SNCB: variants seen among roughly 807,000 people sequenced by gnomAD.
SNCB encodes the protein synuclein beta, also known as beta-synuclein.
SNCB carries 8 observed loss-of-function variants against 20.0 expected under a neutral mutation model. That is an observed-to-expected ratio of 0.40 (90% confidence interval 0.24 to 0.72). The LOEUF (loss-of-function observed/expected upper bound fraction) is 0.72, where lower values mean the gene tolerates loss of function less well. Ranked by LOEUF, SNCB falls within the 30% of genes least tolerant of loss-of-function variation. The pLI is 0.37. For missense variants in SNCB, 125 were observed against 168.0 expected (o/e 0.74, Z 1.41); for synonymous variants, 56 against 65.4 (o/e 0.86, Z 0.69).
At position 176,629,424 on chromosome 5, in the gene SNCB, C is replaced by T; in HGVS notation, c.121+110G>A. The T allele has an allele frequency of 8.2e-7, 1 of 1,218,544 alleles. No individual in the cohort carries two copies. The highest frequency in any genetic ancestry group is 1.5e-5 in the African/African-American group (1 of 67,136). 75.5% of individuals were successfully genotyped at this position (1,218,544 alleles called of 1,614,324 possible). ...ACCCCTGCTGACCTCGCCCCATCTG[C>T]TGACTCATATTCTCCTGCCCAGAAC... is the stretch of plus-strand genomic sequence containing the variant. On this transcript the variant is annotated intron_variant, in intron 2 of 5. Transcript: ENST00000393693. The surrounding 1 kb of genome is among the most constrained non-coding windows in gnomAD (Gnocchi z 4.1).
chr5:176,621,202 C>A lies in SNCB; in HGVS notation c.372+12G>T. On this transcript the variant is annotated intron_variant, in intron 5 of 5. Coordinates refer to ENST00000393693, the MANE Select transcript of SNCB (RefSeq NM_003085.5). The surrounding 1 kb of genome is among the most constrained non-coding windows in gnomAD (Gnocchi z 4.1). ...ATTCCCAAAGTCCCGCCCAGCCCTG[C>A]TGCCCCCTCACCTGGGGTGGGTCCT... The A allele has an allele frequency of 6.2e-7, 1 of 1,603,066 alleles. No individual in the cohort carries two copies. Among genetic ancestry groups the A allele is most frequent in the East Asian group, 2.2e-5 (1 of 44,790 alleles).
rs1363583363 is a variant in SNCB, at chr5:176,620,700, G to A, written c.*111C>T. 20 of 824,854 alleles carry A rather than the reference G, an allele frequency of 2.4e-5. No individual in the cohort carries two copies. The Admixed American group carries it at 3.4e-4, about 14-fold the overall frequency. 51.1% of individuals were successfully genotyped at this position (824,854 alleles called of 1,614,324 possible). ...GCTCCGAGGGGGTTGCCTCAGAGCGGAAGGAAGATCTCGTGATTGGGGAGA... is the reference window on the plus strand; with the variant it reads ...GCTCCGAGGGGGTTGCCTCAGAGCGAAAGGAAGATCTCGTGATTGGGGAGA... On this transcript the variant is annotated 3_prime_UTR_variant, in exon 6 of 6. Transcript: ENST00000393693. The surrounding 1 kb of genome is among the most constrained non-coding windows in gnomAD (Gnocchi z 4.5).
chr5:176,623,756 G>A (rs1759759695), intron 4 of SNCB, among the ~76,000 whole-genome samples: 1 of 152,058 alleles, frequency 6.6e-6, no homozygotes, highest in African/African-American at 2.4e-5. Context: ...TGTAATCCCA[G>A]ATACTTGGAG....
chr5:176,624,800 C>A (rs192943193), intron 4 of SNCB, among the ~76,000 whole-genome samples: 1,554 of 106,922 alleles, frequency 0.015, 46 homozygotes, highest in African/African-American at 0.051. Flanking sequence ...AAAACTCCGT[C>A]TCAAAAAAAA....
intron 2 of SNCB, among the ~76,000 whole-genome samples, chr5:176,627,664 G>T (rs1440816836): frequency 1.3e-5 from 2 of 152,184 alleles, no homozygotes; most frequent in Admixed American, 6.5e-5. Context: ...CCGGCGGGGG[G>T]GTGGGGGAAG....
chr5:176,627,496 A>G (rs1760040460), intron 2 of SNCB, among the ~76,000 whole-genome samples: 1 of 152,204 alleles, frequency 6.6e-6, no homozygotes, highest in South Asian at 2.1e-4. Context: ...TAGCAACTTG[A>G]TAACTTCAAA....
In SNCB at chr5:176,621,102, T is replaced by G; in HGVS notation, c.372+112A>C. 1.1e-6 allele frequency: 1 copy of G among 906,464 alleles called. No individual in the cohort carries two copies. Among genetic ancestry groups the G allele is most frequent in the Non-Finnish European group, 1.8e-6 (1 of 561,538 alleles). The allele number at this position is 906,464 out of a possible 1,614,324, so 56.2% of individuals were successfully genotyped here. A position where few individuals can be genotyped will look rare whatever the true frequency, so the allele number is the denominator to read the frequency against. Reference sequence around the variant, plus strand: ...TGGGGCCTGGGTTCTAGAAGAGGGATGTCAAGCTCCCTGGCCCAACCATCT... The same window carrying G: ...TGGGGCCTGGGTTCTAGAAGAGGGAGGTCAAGCTCCCTGGCCCAACCATCT... On this transcript the variant is annotated intron_variant, in intron 5 of 5. Coordinates refer to ENST00000393693, the MANE Select transcript of SNCB (RefSeq NM_003085.5). This position sits in a 1 kb window ranked among gnomAD's most constrained non-coding sequence, Gnocchi z 4.1.
At position 176,629,574 on chromosome 5, in the gene SNCB, G is replaced by A. The variant is rs750775023; in HGVS notation, c.81C>T (p.Thr27=). The part of the protein sequence containing the change: ...AAAEKTKQGV[T]EAAEKTKEGV... ...CCTCCTTGGTCTTCTCCGCCGCCTC[G>A]GTGACCCCCTGCTTGGTTTTCTCCG... The change falls in exon 2 of 6, where the codon ACC becomes ACT. Residue 27 remains threonine (T), a synonymous_variant. Coordinates refer to ENST00000393693, the MANE Select transcript of SNCB (RefSeq NM_003085.5). This position sits in a 1 kb window ranked among gnomAD's most constrained non-coding sequence, Gnocchi z 4.1. The A allele has an allele frequency of 3.7e-6, 6 of 1,613,226 alleles. No individual in the cohort carries two copies. The South Asian group carries it at 5.5e-5, about 15-fold the overall frequency.
At chr5:176,623,682 T>G (rs1194692534) in intron 4 of SNCB, among the ~76,000 whole-genome samples, 2 of 152,146 alleles carry the variant, frequency 1.3e-5, no homozygotes, top group African/African-American at 2.4e-5. Context: ...TTCATGGAGC[T>G]GCCAGTTTTC....
In SNCB at chr5:176,620,759, GGGGCA is replaced by G; in HGVS notation, c.*47_*51del. 1 of 1,318,726 alleles carries G rather than the reference GGGGCA, an allele frequency of 7.6e-7. No homozygotes were observed. Among genetic ancestry groups the G allele is most frequent in the Non-Finnish European group, 1.1e-6 (1 of 908,560 alleles). The allele number at this position is 1,318,726 out of a possible 1,614,324, so 81.7% of individuals were successfully genotyped here. The stretch of plus-strand genomic sequence containing the variant: ...AAGGACAGCCCTGGCTCTGGGGGGC[GGGGCA>G]GGGACAGGGACAGAATTGTGCTGCT... On this transcript the variant is annotated 3_prime_UTR_variant, in exon 6 of 6. Coordinates refer to ENST00000393693, the MANE Select transcript of SNCB (RefSeq NM_003085.5). The surrounding 1 kb of genome is among the most constrained non-coding windows in gnomAD (Gnocchi z 4.5).
rs1451241326 is a variant in SNCB, at chr5:176,621,236, T to C, written c.350A>G (p.Glu117Gly). 6.2e-7 allele frequency: 1 copy of C among 1,613,370 alleles called. No individual in the cohort carries two copies. Among genetic ancestry groups the C allele is most frequent in the Admixed American group, 1.7e-5 (1 of 59,948 alleles). Residue 117 changes from glutamate (E) to glycine (G), a missense_variant, in exon 5 of 6, where the codon GAG (glutamate) becomes GGG (glycine). Coordinates refer to ENST00000393693, the MANE Select transcript of SNCB (RefSeq NM_003085.5). This position sits in a 1 kb window ranked among gnomAD's most constrained non-coding sequence, Gnocchi z 4.1. ...LIEPLMEPEGESYEDPPQEEY... is the reference protein window; with the variant it reads ...LIEPLMEPEGGSYEDPPQEEY... ...CACCTGGGGTGGGTCCTCATAACTCTCCCCTTCTGGCTCCATCAGGGGCTC... is the reference window on the plus strand; with the variant it reads ...CACCTGGGGTGGGTCCTCATAACTCCCCCCTTCTGGCTCCATCAGGGGCTC...
chr5:176,623,137 C>G (rs1243252446), intron 4 of SNCB, among the ~76,000 whole-genome samples: 1 of 152,080 alleles, frequency 6.6e-6, no homozygotes, highest in African/African-American at 2.4e-5. Flanking sequence ...TTACCACTCC[C>G]AGCATTTTGG....
chr5:176,623,160 GGCAGATCAC>G (rs1759712890), intron 4 of SNCB, among the ~76,000 whole-genome samples: 16 of 152,052 alleles, frequency 1.1e-4, no homozygotes, highest in Admixed American at 1.3e-4. Flanking sequence ...GGTCAAGGTG[GGCAGATCAC>G]TTGAGGTCAG....
Position 176,621,468 on chromosome 5 carries a change from T to G in SNCB, c.283-165A>C, listed in dbSNP as rs1157016829. Among the ~76,000 whole-genome samples the G allele has an allele frequency of 6.6e-6, 1 of 152,160 alleles. No individual in the cohort carries two copies. The highest frequency in any genetic ancestry group is 1.5e-5 in the Non-Finnish European group (1 of 68,024). ...TATTTGGAGTGCCTTGGAAGTGGGA[T>G]GGAGGTGAAGGGGGAAATTCCCCCG... On this transcript the variant is annotated intron_variant, in intron 4 of 5. Transcript: ENST00000393693. The surrounding 1 kb of genome is among the most constrained non-coding windows in gnomAD (Gnocchi z 4.1).
chr5:176,627,429 G>T (rs948954871), intron 2 of SNCB, among the ~76,000 whole-genome samples: 1 of 152,230 alleles, frequency 6.6e-6, no homozygotes, highest in Non-Finnish European at 1.5e-5. Context: ...TGGGTCTAAA[G>T]GTGATGTGCA....
rs1759938705 is a variant in SNCB at position 176,626,333 on chromosome 5, CTGGT to C, written c.282+61_282+64del. The C allele has an allele frequency of 1.0e-6, 1 of 987,012 alleles. No individual in the cohort carries two copies. 61.1% of individuals were successfully genotyped at this position (987,012 alleles called of 1,614,324 possible). A position where few individuals can be genotyped will look rare whatever the true frequency, so the allele number is the denominator to read the frequency against. ...GATGGTGACAGGTTTATTTGTGTGC[CTGGT>C]GTGTGTGTGTGTGTGTGTGTGTGTG... On this transcript the variant is annotated intron_variant, in intron 4 of 5. Transcript: ENST00000393693. The surrounding 1 kb of genome is among the most constrained non-coding windows in gnomAD (Gnocchi z 4.2).
chr5:176,629,206 G>A lies in SNCB; in HGVS notation c.121+328C>T, dbSNP rs1340941869. Among the ~76,000 whole-genome samples, 9 of 152,106 alleles carry A rather than the reference G, an allele frequency of 5.9e-5. No individual in the cohort carries two copies. Among genetic ancestry groups the A allele is most frequent in the Admixed American group, 5.9e-4 (9 of 15,270 alleles). On this transcript the variant is annotated intron_variant, in intron 2 of 5. Transcript: ENST00000393693. The surrounding 1 kb of genome is among the most constrained non-coding windows in gnomAD (Gnocchi z 4.1). ...TGTTATGACATTTTACCCAGTACTT[G>A]GCATACAGAAAGTGTTCAACACCAG...
rs1581164291 is a variant in SNCB, at chr5:176,620,427, T to G, written c.*384A>C. ...AAAAGGTTCTCGAGGTTAATGGGAG[T>G]CGGGCGGGGTGCTCTGGGGCTGCCC... On this transcript the variant is annotated 3_prime_UTR_variant, in exon 6 of 6. Coordinates refer to ENST00000393693, the MANE Select transcript of SNCB (RefSeq NM_003085.5). This position sits in a 1 kb window ranked among gnomAD's most constrained non-coding sequence, Gnocchi z 4.5. 1.5e-5 allele frequency: 4 copies of G among 265,784 alleles called. No individual in the cohort carries two copies. The highest frequency in any genetic ancestry group is 9.7e-5 in the South Asian group (1 of 10,352). The allele number at this position is 265,784 out of a possible 1,614,324, so 16.5% of individuals were successfully genotyped here.
At chr5:176,623,412 C>T (rs1189745662) in intron 4 of SNCB, among the ~76,000 whole-genome samples, 2 of 152,026 alleles carry the variant, frequency 1.3e-5, no homozygotes, top group Non-Finnish European at 2.9e-5. Flanking sequence ...AGCAGTTCCC[C>T]TTGGAGGGCG....
Sources: allele counts gnomAD v4.1 joint callset (sites outside exome capture counted in the v4.1 genomes callset), GRCh38; gene constraint gnomAD v4.1.1; non-coding constraint Gnocchi (gnomAD v3.1); transcripts MANE v1.5; gene names NCBI Gene and HGNC (gene_info 2026-07-23, HGNC 2026-07-21).